POU6F2: variants seen among roughly 807,000 people sequenced by gnomAD.
The protein encoded by POU6F2 is POU domain, class 6, transcription factor 2.
A neutral mutation model predicts 71.3 loss-of-function variants in POU6F2; 31 were observed. The ratio of observed to expected loss-of-function variants is 0.43; its 90% confidence interval spans 0.33 to 0.59. The LOEUF (loss-of-function observed/expected upper bound fraction) is 0.59, where lower values mean the gene tolerates loss of function less well. Ranked by LOEUF, POU6F2 falls within the 20% of genes least tolerant of loss-of-function variation. The pLI is 0.04. For missense variants in POU6F2, 783 were observed against 856.8 expected (o/e 0.91, Z 1.07); for synonymous variants, 347 against 355.7 (o/e 0.98, Z 0.27).
chr7:39,406,252 A>G (rs550693229), intron 5 of POU6F2: 49 of 226,322 alleles, frequency 2.2e-4, no homozygotes, highest in African/African-American at 9.8e-4. Context: ...GGGAAAGCAG[A>G]TATTTCCTGA....
At chr7:39,363,637 A>G (rs1397093266) in intron 5 of POU6F2, among the ~76,000 whole-genome samples, 3 of 148,918 alleles carry the variant, frequency 2.0e-5, no homozygotes, top group African/African-American at 7.5e-5. Flanking sequence ...GAGGAGGAAG[A>G]GAAATTGGCC....
chr7:39,041,644 G>T (rs1406164842), intron 1 of POU6F2, among the ~76,000 whole-genome samples: 1 of 151,608 alleles, frequency 6.6e-6, no homozygotes, highest in African/African-American at 2.4e-5. Flanking sequence ...CTACATTTTT[G>T]TTACATGTGT....
At chr7:39,003,689 C>T (rs751820261) in intron 1 of POU6F2, among the ~76,000 whole-genome samples, 109 of 150,630 alleles carry the variant, frequency 7.2e-4, no homozygotes, top group Admixed American at 1.3e-3. Context: ...GCAGAGCTTG[C>T]AGTGAGCCAA....
intron 1 of POU6F2, among the ~76,000 whole-genome samples, chr7:39,042,203 C>T (rs1790205895): frequency 6.6e-6 from 1 of 151,850 alleles, no homozygotes; most frequent in Admixed American, 6.6e-5. Context: ...ATGTGAGTGG[C>T]CAAGCTGTAA....
chr7:38,979,969 TA>T (rs764110875), intron 1 of POU6F2, among the ~76,000 whole-genome samples: 78 of 152,248 alleles, frequency 5.1e-4, no homozygotes, highest in East Asian at 3.7e-3. Context: ...GGTATATACT[TA>T]AAAAAATGAA....
chr7:39,027,078 G>A (rs1789824132), intron 1 of POU6F2, among the ~76,000 whole-genome samples: 1 of 152,058 alleles, frequency 6.6e-6, no homozygotes, highest in Non-Finnish European at 1.5e-5. Context: ...TTTTGCTTAG[G>A]ATTAGTAAAA....
intron 8 of POU6F2, among the ~76,000 whole-genome samples, chr7:39,458,020 C>T (rs1788844943): frequency 6.6e-6 from 1 of 151,010 alleles, no homozygotes; most frequent in African/African-American, 2.4e-5. Flanking sequence ...CCCACCCCGC[C>T]CCCCCATAAC....
chr7:39,237,484 A>G (rs1045662749), intron 4 of POU6F2, among the ~76,000 whole-genome samples: 17 of 152,308 alleles, frequency 1.1e-4, no homozygotes, highest in Admixed American at 2.6e-4. Context: ...AATTGTGAAC[A>G]TGAAATACAG....
chr7:39,088,237 GAGAA>G (rs1224934959), intron 2 of POU6F2, among the ~76,000 whole-genome samples: 6 of 151,892 alleles, frequency 4.0e-5, no homozygotes, highest in African/African-American at 1.5e-4. Context: ...GAGACAATAT[GAGAA>G]AGAAAGAATA....
rs139091922 is a variant in POU6F2 at position 39,291,258 on chromosome 7, G to A, written c.599-48384G>A. Among the ~76,000 whole-genome samples, 185 of 152,262 alleles carry A rather than the reference G, an allele frequency of 1.2e-3. 1 individual carries two copies. Among genetic ancestry groups the A allele is most frequent in the African/African-American group, 4.1e-3 (169 of 41,558 alleles). The stretch of plus-strand genomic sequence containing the variant: ...AGCTAATTAAATGAGTCTTTTGAAA[G>A]TGAGATTATTTGATAGCATTAACCT... On this transcript the variant is annotated intron_variant, in intron 4 of 9. Coordinates refer to ENST00000518318, the MANE Select transcript of POU6F2 (RefSeq NM_001370959.1).
chr7:39,260,383 T>G (rs62648699), intron 4 of POU6F2, among the ~76,000 whole-genome samples: 3 of 150,848 alleles, frequency 2.0e-5, no homozygotes, highest in African/African-American at 7.4e-5. Flanking sequence ...ATTCCATACC[T>G]TGCTCACACC....
At chr7:39,056,678 ATGTGTGTGTG>A (rs3057270) in intron 1 of POU6F2, among the ~76,000 whole-genome samples, 1 of 142,118 alleles carries the variant, frequency 7.0e-6, no homozygotes, top group Non-Finnish European at 1.5e-5. Context: ...GTGTGTGTGT[ATGTGTGTGTG>A]TGTGTGTGTG....
chr7:39,015,355 T>A (rs1256944536), intron 1 of POU6F2, among the ~76,000 whole-genome samples: 1 of 132,136 alleles, frequency 7.6e-6, no homozygotes, highest in African/African-American at 2.9e-5. Flanking sequence ...ATAATAGATA[T>A]ATATTATATA....
At chr7:39,440,757 G>T (rs4419726) in intron 7 of POU6F2, among the ~76,000 whole-genome samples, 1 of 151,892 alleles carries the variant, frequency 6.6e-6, no homozygotes, top group African/African-American at 2.4e-5. Flanking sequence ...GAGGAGAAGA[G>T]GCACTCTGAT....
intron 4 of POU6F2, among the ~76,000 whole-genome samples, chr7:39,288,532 A>G (rs1235158894): frequency 3.3e-5 from 5 of 152,228 alleles, no homozygotes; most frequent in South Asian, 4.1e-4. Flanking sequence ...AAAAATTGCA[A>G]TGCTTTTTGG....
At chr7:39,078,374 G>T (rs1791039207) in intron 1 of POU6F2, among the ~76,000 whole-genome samples, 1 of 152,160 alleles carries the variant, frequency 6.6e-6, no homozygotes. Flanking sequence ...CAAAGGTGGG[G>T]AAGGTCTCCA....
intron 4 of POU6F2, among the ~76,000 whole-genome samples, chr7:39,289,932 A>G (rs1052587559): frequency 6.6e-6 from 1 of 152,146 alleles, no homozygotes; most frequent in Non-Finnish European, 1.5e-5. Context: ...ATCTCAGCTT[A>G]GTCAGACGGA....
intron 5 of POU6F2, among the ~76,000 whole-genome samples, chr7:39,400,493 T>C (rs1787274383): frequency 6.6e-6 from 1 of 152,184 alleles, no homozygotes; most frequent in South Asian, 2.1e-4. Context: ...GGGCCAGCAG[T>C]GCCTGAGCAT....
At chr7:39,347,149 G>C (rs914996757) in intron 5 of POU6F2, among the ~76,000 whole-genome samples, 40 of 152,100 alleles carry the variant, frequency 2.6e-4, no homozygotes, top group African/African-American at 5.3e-4. Flanking sequence ...TATCTAATTT[G>C]GTTCCTGATA....
Sources: allele counts gnomAD v4.1 joint callset (sites outside exome capture counted in the v4.1 genomes callset), GRCh38; gene constraint gnomAD v4.1.1; transcripts MANE v1.5; gene names NCBI Gene and HGNC (gene_info 2026-07-23, HGNC 2026-07-21).